Variants in PPIL6 observed in about 807,000 individuals in gnomAD.
PPIL6 encodes peptidylprolyl isomerase like 6.
PPIL6 carries 39 observed loss-of-function variants against 36.8 expected under a neutral mutation model. The ratio of observed to expected loss-of-function variants is 1.06; its 90% CI spans 0.82 to 1.38. The LOEUF (loss-of-function observed/expected upper bound fraction) is 1.38. Ranked by LOEUF, PPIL6 falls within the 40% of genes most tolerant of loss-of-function variation. PPIL6 has a pLI of 0.00. For missense variants in PPIL6, 368 were observed against 379.1 expected (o/e 0.97, Z 0.24); for synonymous variants, 123 against 134.1 (o/e 0.92, Z 0.57).
At position 109,392,886 on chromosome 6, in the gene PPIL6, T is replaced by TGTTGGAACTAATTCTA; in HGVS notation, c.860_875dup (p.Gln293ArgfsTer8). On this transcript the variant is annotated frameshift_variant, in exon 8 of 8. Coordinates refer to ENST00000521072, the MANE Select transcript of PPIL6 (RefSeq NM_173672.5). LOFTEE classifies it high-confidence loss of function. ...ACATATGTATTGGTCTTTCATTCTG[T>TGTTGGAACTAATTCTA]GTTGGAACTAATTCTAGTTGTTTAA... 1 of 1,612,236 alleles carries TGTTGGAACTAATTCTA rather than the reference T, an allele frequency of 6.2e-7. No individual in the cohort carries two copies. Among genetic ancestry groups the TGTTGGAACTAATTCTA allele is most frequent in the Non-Finnish European group, 8.5e-7 (1 of 1,178,700 alleles).
chr6:109,406,210 C>T (rs1409772779), intron 6 of PPIL6, among the ~76,000 whole-genome samples: 1 of 147,916 alleles, frequency 6.8e-6, no homozygotes, highest in East Asian at 2.0e-4. Flanking sequence ...GCCACCACGC[C>T]CAGCTAATTT....
At chr6:109,425,300 G>A (rs982490632) in intron 5 of PPIL6, among the ~76,000 whole-genome samples, 3 of 152,166 alleles carry the variant, frequency 2.0e-5, no homozygotes, top group Non-Finnish European at 4.4e-5. Flanking sequence ...CTGTCTCACT[G>A]TTTGAAAATA....
intron 6 of PPIL6, 54 bp downstream of exon 6, chr6:109,419,133 G>A: frequency 9.7e-7 from 1 of 1,031,744 alleles, no homozygotes; most frequent in Non-Finnish European, 1.5e-6. Context: ...GTCCAGTCCT[G>A]TTAAGTTTGA....
At chr6:109,400,672 T>C (rs537834219) in intron 6 of PPIL6, among the ~76,000 whole-genome samples, 15 of 152,286 alleles carry the variant, frequency 9.8e-5, no homozygotes, top group African/African-American at 3.6e-4. Context: ...TCTTCTCTAG[T>C]AGGTGAAGGC....
At position 109,428,552 on chromosome 6, in the gene PPIL6, AG is replaced by A. The variant is rs67605854; in HGVS notation, c.421-1397del. Among the ~76,000 whole-genome samples, 708 of 73,494 alleles carry A rather than the reference AG, an allele frequency of 9.6e-3. 18 individuals are homozygous for A. The highest frequency in any genetic ancestry group is 0.016 in the African/African-American group (411 of 25,468). 48.2% of individuals were successfully genotyped at this position (73,494 alleles called of 152,430 possible). On this transcript the variant is annotated intron_variant, in intron 3 of 7. Coordinates refer to ENST00000521072, the MANE Select transcript of PPIL6 (RefSeq NM_173672.5). ...TGGGTGACAGAGTGAGACCCTATGA[AG>A]AAAAAAAAAAAAAAAAAACCACCTT... is the stretch of plus-strand genomic sequence containing the variant.
intron 7 of PPIL6, among the ~76,000 whole-genome samples, chr6:109,393,221 A>ATTT (rs35022203): frequency 1.7e-3 from 243 of 143,468 alleles, no homozygotes; most frequent in Non-Finnish European, 1.9e-3. Context: ...AGTCAGGGTG[A>ATTT]TTTTTTTTTT....
At chr6:109,435,193 ATG>A (rs1774375768) in intron 2 of PPIL6, among the ~76,000 whole-genome samples, 1 of 151,970 alleles carries the variant, frequency 6.6e-6, no homozygotes, top group South Asian at 2.1e-4. Context: ...AGTATAAGTG[ATG>A]TGCAGGGAGA....
chr6:109,402,895 G>T, intron 6 of PPIL6: 1 of 577,574 alleles, frequency 1.7e-6, no homozygotes, highest in African/African-American at 1.9e-5. Flanking sequence ...CAAATAAAAT[G>T]ATGTGTAAGA....
intron 5 of PPIL6, among the ~76,000 whole-genome samples, chr6:109,422,457 T>C (rs1773600076): frequency 6.6e-6 from 1 of 152,132 alleles, no homozygotes; most frequent in Admixed American, 6.5e-5. Flanking sequence ...TTGCCAGGCA[T>C]GGTAATGTGT....
chr6:109,401,728 C>CT (rs11397016), intron 6 of PPIL6, among the ~76,000 whole-genome samples: 75,738 of 145,948 alleles, frequency 0.52, 20,289 homozygotes, highest in African/African-American at 0.7. Context: ...GAGAGTTTTT[C>CT]TTTTTTTTTT....
intron 1 of PPIL6, chr6:109,440,107 A>G: frequency 3.0e-6 from 1 of 336,274 alleles, no homozygotes; most frequent in South Asian, 2.2e-5. Flanking sequence ...AAATTTAAAT[A>G]TCTCTAATTA....
intron 3 of PPIL6, among the ~76,000 whole-genome samples, chr6:109,428,996 TAAGAGTTC>T (rs1301915076): frequency 1.3e-5 from 2 of 152,174 alleles, no homozygotes; most frequent in Admixed American, 1.3e-4. Context: ...AAAATGCCAA[TAAGAGTTC>T]AAATGAATGC....
At chr6:109,397,507 C>G (rs1772348653) in intron 7 of PPIL6, among the ~76,000 whole-genome samples, 1 of 152,212 alleles carries the variant, frequency 6.6e-6, no homozygotes, top group Non-Finnish European at 1.5e-5. Flanking sequence ...ATACTCTAAG[C>G]TCGCTGAAGA....
intron 1 of PPIL6, 182 bp downstream of exon 1, chr6:109,440,274 C>T (rs931147007): frequency 7.9e-6 from 6 of 761,948 alleles, no homozygotes; most frequent in African/African-American, 3.5e-5. Flanking sequence ...CCGCACTTGC[C>T]CCCCTATACT....
In PPIL6 at chr6:109,440,507, C is replaced by T. The variant is rs1582619234; in HGVS notation, c.84G>A (p.Val28=). The change falls in exon 1 of 8, where the codon GTG becomes GTA. Residue 28 remains valine, a synonymous_variant. Transcript: ENST00000521072. ...AGTTGGGGCAGCTGAAGAGCCCCAC[C>T]ACCTTCACCTGCAGCGGCCGCTCCG... The part of the protein sequence containing the change: ...SLPERPLQVK[V]VGLFSCPNFQ... 4 of 1,525,736 alleles carry T rather than the reference C, an allele frequency of 2.6e-6. No individual in the cohort carries two copies. The East Asian group carries it at 1.0e-4, about 40-fold the overall frequency. 94.5% of individuals were successfully genotyped at this position (1,525,736 alleles called of 1,614,324 possible).
At chr6:109,438,343 G>A (rs996099725) in intron 1 of PPIL6, among the ~76,000 whole-genome samples, 3 of 151,872 alleles carry the variant, frequency 2.0e-5, no homozygotes, top group African/African-American at 7.3e-5. Flanking sequence ...CACTTCGGGA[G>A]GTCGAGGAGG....
chr6:109,432,582 T>G (rs1323570234), intron 2 of PPIL6, among the ~76,000 whole-genome samples: 1 of 152,136 alleles, frequency 6.6e-6, no homozygotes, highest in Non-Finnish European at 1.5e-5. Flanking sequence ...CCCCTCTCCC[T>G]TTCCCCCAAT....
intron 2 of PPIL6, among the ~76,000 whole-genome samples, chr6:109,434,505 T>G (rs905068937): frequency 2.6e-5 from 4 of 152,208 alleles, no homozygotes; most frequent in African/African-American, 9.7e-5. Context: ...TTGGTTCTAT[T>G]TGAATTCCAA....
chr6:109,414,874 A>T (rs1193796867), intron 6 of PPIL6, among the ~76,000 whole-genome samples: 1 of 152,246 alleles, frequency 6.6e-6, no homozygotes, highest in African/African-American at 2.4e-5. Context: ...CTTATCAATA[A>T]CATAAATAGT....
Sources: allele counts gnomAD v4.1 joint callset (sites outside exome capture counted in the v4.1 genomes callset), GRCh38; gene constraint gnomAD v4.1.1; transcripts MANE v1.5; gene names NCBI Gene and HGNC (gene_info 2026-07-23, HGNC 2026-07-21).